The following ASTN2 variants were observed in gnomAD, a reference collection of about 807,000 sequenced individuals.
ASTN2 encodes astrotactin-2.
In ASTN2, 54 loss-of-function variants were observed where a neutral mutation model predicts 139.8. That is an observed-to-expected ratio of 0.39 (90% CI 0.31 to 0.48). The LOEUF (loss-of-function observed/expected upper bound fraction) is 0.48. ASTN2 is among the 20% of genes least tolerant of loss of function. The pLI is 0.95. For missense variants in ASTN2, 1,565 were observed against 1,725.1 expected (o/e 0.91, Z 1.64); for synonymous variants, 756 against 719.5 (o/e 1.05, Z -0.81).
At chr9:117,026,644 G>T (rs1353803859) in intron 6 of ASTN2, among the ~76,000 whole-genome samples, 1 of 152,008 alleles carries the variant, frequency 6.6e-6, no homozygotes, top group Non-Finnish European at 1.5e-5. Context: ...AACTCAATAT[G>T]GCAGCGCCTA....
At chr9:117,006,710 A>C (rs1380334885) in intron 7 of ASTN2, among the ~76,000 whole-genome samples, 1 of 152,152 alleles carries the variant, frequency 6.6e-6, no homozygotes, top group Non-Finnish European at 1.5e-5. Flanking sequence ...TCCATATTAT[A>C]GTATACAAGG....
chr9:116,897,789 G>A (rs528530425), intron 10 of ASTN2, among the ~76,000 whole-genome samples: 28 of 151,872 alleles, frequency 1.8e-4, no homozygotes, highest in African/African-American at 6.8e-4. Flanking sequence ...ACACATTACA[G>A]CATTCCTATG....
chr9:116,855,562 C>T (rs1255036430), intron 11 of ASTN2, among the ~76,000 whole-genome samples: 2 of 152,190 alleles, frequency 1.3e-5, no homozygotes, highest in East Asian at 3.8e-4. Flanking sequence ...AAATACTGGA[C>T]ATTGATAGAG....
intron 11 of ASTN2, among the ~76,000 whole-genome samples, chr9:116,826,091 G>A (rs189198541): frequency 2.6e-4 from 40 of 152,268 alleles, no homozygotes; most frequent in Non-Finnish European, 1.3e-4. Context: ...TCTGGTATCA[G>A]GCCCAAAGCA....
At chr9:116,706,957 A>G (rs1339803856) in intron 16 of ASTN2, among the ~76,000 whole-genome samples, 5 of 151,920 alleles carry the variant, frequency 3.3e-5, no homozygotes, top group Admixed American at 2.6e-4. Context: ...GCCCTGGGTC[A>G]TGTGTCTTGG....
intron 4 of ASTN2, among the ~76,000 whole-genome samples, chr9:117,123,075 C>G (rs1005916847): frequency 6.6e-6 from 1 of 152,082 alleles, no homozygotes; most frequent in Non-Finnish European, 1.5e-5. Context: ...TGCAGTGGCT[C>G]TCTCACTTAA....
intron 10 of ASTN2, among the ~76,000 whole-genome samples, chr9:116,866,880 G>A (rs1193393731): frequency 3.9e-5 from 5 of 128,576 alleles, no homozygotes; most frequent in African/African-American, 9.2e-5. Context: ...GTGACACAGC[G>A]AGACTCCGTC....
intron 6 of ASTN2, among the ~76,000 whole-genome samples, chr9:117,020,032 G>C (rs968119427): frequency 1.7e-4 from 25 of 150,460 alleles, no homozygotes; most frequent in African/African-American, 6.1e-4. Flanking sequence ...GTGTGTGTGT[G>C]TGTGTGTGTG....
intron 2 of ASTN2, among the ~76,000 whole-genome samples, chr9:117,268,568 C>G (rs148587653): frequency 6.6e-6 from 1 of 152,256 alleles, no homozygotes; most frequent in African/African-American, 2.4e-5. Flanking sequence ...GAATACATGA[C>G]TCAGGACCCT....
In ASTN2 at chr9:116,425,861, T is replaced by C. The variant is rs773309297; in HGVS notation, c.4010A>G (p.Lys1337Arg). The C allele has an allele frequency of 9.3e-6, 15 of 1,613,030 alleles. No homozygotes were observed. The highest frequency in any genetic ancestry group is 2.2e-5 in the South Asian group (2 of 91,052). The change falls in exon 23 of 23, where the codon AAG becomes AGG. Residue 1337 changes from lysine (K) to arginine (R), a missense_variant. Lys to Arg is a conservative substitution (Grantham distance 26). Transcript: ENST00000313400. ...GGGCAATACCCTCCCTCACCGGCCC[T>C]TGGACTCCCCGTACGTGTTTCGGGC... ...SMARNTYGES[K>R]GR
chr9:116,795,708 C>T (rs537062777), intron 13 of ASTN2, among the ~76,000 whole-genome samples: 1 of 152,096 alleles, frequency 6.6e-6, no homozygotes. Flanking sequence ...TGAAAAAAAA[C>T]CCATCTTCAT....
chr9:117,035,178 C>G (rs1187996018), intron 6 of ASTN2, among the ~76,000 whole-genome samples: 1 of 152,106 alleles, frequency 6.6e-6, no homozygotes, highest in Non-Finnish European at 1.5e-5. Context: ...TGGCTTTGGT[C>G]CCTGGGAGAC....
At chr9:116,621,919 G>A (rs1247870487) in intron 17 of ASTN2, among the ~76,000 whole-genome samples, 2 of 152,166 alleles carry the variant, frequency 1.3e-5, no homozygotes, top group Non-Finnish European at 2.9e-5. Flanking sequence ...TGCTAACACT[G>A]ACATTTCAAC....
At chr9:116,603,112 C>T (rs1256835594) in intron 19 of ASTN2, among the ~76,000 whole-genome samples, 1 of 152,106 alleles carries the variant, frequency 6.6e-6, no homozygotes, top group Admixed American at 6.5e-5. Flanking sequence ...GCATCCAGTG[C>T]AGGTGTTTGA....
At chr9:116,659,803 T>C (rs1858446409) in intron 16 of ASTN2, among the ~76,000 whole-genome samples, 1 of 152,136 alleles carries the variant, frequency 6.6e-6, no homozygotes, top group Non-Finnish European at 1.5e-5. Flanking sequence ...CAAATAATCC[T>C]CCAATTTATT....
chr9:117,026,283 T>G (rs1267481149), intron 6 of ASTN2, among the ~76,000 whole-genome samples: 1 of 152,098 alleles, frequency 6.6e-6, no homozygotes. Flanking sequence ...ACAGTCTAAT[T>G]TCTGGTGTTT....
intron 5 of ASTN2, among the ~76,000 whole-genome samples, chr9:117,056,235 G>T (rs1839060546): frequency 6.6e-6 from 1 of 152,210 alleles, no homozygotes; most frequent in Non-Finnish European, 1.5e-5. Context: ...AATGTTTGTT[G>T]TTTTAAATTC....
chr9:116,502,682 AGAAGGAAGGAAGGAAGGAAG>A (rs60618068), intron 19 of ASTN2, among the ~76,000 whole-genome samples: 10 of 96,452 alleles, frequency 1.0e-4, no homozygotes, highest in South Asian at 4.4e-4. Context: ...AAGAAAGGAA[AGAAGGAAGGAAGGAAGGAAG>A]GAAGGAAGGA....
intron 10 of ASTN2, among the ~76,000 whole-genome samples, chr9:116,889,823 T>C (rs116693786): frequency 6.6e-6 from 1 of 151,410 alleles, no homozygotes; most frequent in East Asian, 1.9e-4. Context: ...CCCAGATACT[T>C]GGAAGGCTGG....
Sources: allele counts gnomAD v4.1 joint callset (sites outside exome capture counted in the v4.1 genomes callset), GRCh38; gene constraint gnomAD v4.1.1; transcripts MANE v1.5; gene names NCBI Gene and HGNC (gene_info 2026-07-23, HGNC 2026-07-21).